Variants in ATG4B observed in about 807,000 individuals in gnomAD.
The protein encoded by ATG4B is cysteine protease ATG4B.
A neutral mutation model predicts 56.6 loss-of-function variants in ATG4B; 29 were observed. The ratio of observed to expected loss-of-function variants is 0.51; its 90% CI spans 0.38 to 0.70. The LOEUF (loss-of-function observed/expected upper bound fraction) is 0.70. ATG4B is among the 30% of genes least tolerant of loss of function. ATG4B has a pLI of 0.00. For missense variants in ATG4B, 461 were observed against 515.5 expected (o/e 0.89, Z 1.02); for synonymous variants, 224 against 206.1 (o/e 1.09, Z -0.74).
chr2:241,670,601 G>T (rs2068935846), intron 10 of ATG4B, 125 bp from the exon 11 acceptor site: 7 of 914,624 alleles, frequency 7.7e-6, no homozygotes, highest in Non-Finnish European at 1.2e-5. Context: ...AAGGCAGGCT[G>T]GAATGTCCAG....
intron 5 of ATG4B, chr2:241,654,908 A>C (rs2068348206): frequency 1.7e-6 from 1 of 574,874 alleles, no homozygotes; most frequent in African/African-American, 1.9e-5. Flanking sequence ...GGTGCTCGGC[A>C]CAGTCTGGGG....
chr2:241,662,013 G>A (rs6437275), intron 7 of ATG4B, among the ~76,000 whole-genome samples: 92,182 of 151,970 alleles, frequency 0.61, 30,231 homozygotes, highest in African/African-American at 0.86. Context: ...ACAATAGCTG[G>A]AACTCAACTC....
intron 8 of ATG4B, 98 bp downstream of exon 8, chr2:241,666,936 G>A: frequency 1.4e-6 from 2 of 1,394,196 alleles, no homozygotes; most frequent in South Asian, 1.3e-5. Flanking sequence ...CATTTGTGCA[G>A]CCGGCTCTCG....
intron 1 of ATG4B, among the ~76,000 whole-genome samples, chr2:241,649,601 C>T (rs2068167884): frequency 6.6e-6 from 1 of 152,174 alleles, no homozygotes. Context: ...TCTGGTGCCG[C>T]CCCAGAATAC....
chr2:241,669,516 G>T (rs1559273627), intron 10 of ATG4B, among the ~76,000 whole-genome samples: 1 of 152,148 alleles, frequency 6.6e-6, no homozygotes, highest in Admixed American at 6.5e-5. Context: ...TTGTTTGTTT[G>T]TTTGTTTTTG....
chr2:241,668,217 C>T lies in ATG4B; in HGVS notation c.807C>T (p.Tyr269=), dbSNP rs747292744. ...ACAGCGCCCACTACTTCATCGGCTA[C>T]GTTGGTGAGTCCAGGGTTCCCACCG... ...KPNSAHYFIG[Y]VGEELIYLDP... The change falls in exon 9 of 13, where the codon TAC becomes TAT. Residue 269 remains tyrosine (Y), a synonymous_variant. Coordinates refer to ENST00000404914, the MANE Select transcript of ATG4B (RefSeq NM_013325.5). This position sits in a 1 kb window ranked among gnomAD's most constrained non-coding sequence, Gnocchi z 4.2. 36 of 1,601,320 alleles carry T rather than the reference C, an allele frequency of 2.2e-5. No individual in the cohort carries two copies. In the East Asian group the frequency reaches 2.7e-4, roughly 12 times the overall value.
chr2:241,664,261 G>T (rs892595757), intron 7 of ATG4B, among the ~76,000 whole-genome samples: 2 of 152,120 alleles, frequency 1.3e-5, no homozygotes, highest in Non-Finnish European at 2.9e-5. Context: ...AAGCACTGTG[G>T]CTCCCGCCTG....
chr2:241,653,638 T>A, intron 4 of ATG4B, 28 bp downstream of exon 4: 1 of 1,550,764 alleles, frequency 6.4e-7, no homozygotes, highest in Non-Finnish European at 8.7e-7. Flanking sequence ...GGAGGGCGCA[T>A]GGCCACGGTG....
chr2:241,672,298 C>A lies in ATG4B; in HGVS notation c.*34C>A. 6.6e-7 allele frequency: 1 copy of A among 1,516,282 alleles called. No individual in the cohort carries two copies. The highest frequency in any genetic ancestry group is 9.0e-7 in the Non-Finnish European group (1 of 1,114,102). 93.9% of individuals were successfully genotyped at this position (1,516,282 alleles called of 1,614,324 possible). A position where few individuals can be genotyped will look rare whatever the true frequency, so the allele number is the denominator to read the frequency against. On this transcript the variant is annotated 3_prime_UTR_variant, in exon 13 of 13. Transcript: ENST00000404914. ...GGGTCGGGGGTGGCACCTGTGAGAG[C>A]CTGGGGCTCCTGGTGCCGCTGCGTT...
At chr2:241,650,889 G>A (rs768917658) in intron 1 of ATG4B, 121 bp from the exon 2 acceptor site, 92 of 786,442 alleles carry the variant, frequency 1.2e-4, no homozygotes, top group Non-Finnish European at 1.8e-4. Flanking sequence ...GAGAGGGAGT[G>A]CTGCTGTTAC....
intron 1 of ATG4B, among the ~76,000 whole-genome samples, chr2:241,643,915 T>C (rs999794449): frequency 6.6e-6 from 1 of 152,142 alleles, no homozygotes; most frequent in African/African-American, 2.4e-5. Context: ...GCTACATGAA[T>C]TACCTTATAA....
In ATG4B at chr2:241,661,117, G is replaced by A. The variant is rs183895512; in HGVS notation, c.538+1930G>A. Among the ~76,000 whole-genome samples the A allele has an allele frequency of 2.2e-4, 33 of 152,364 alleles. 2 individuals carry two copies. Among genetic ancestry groups the A allele is most frequent in the African/African-American group, 7.9e-4 (33 of 41,578 alleles). ...CAGAGTGAGAGTGGAGTCAGGTCCT[G>A]GAAGAGCTTGAATCTGCATTTCCCA... On this transcript the variant is annotated intron_variant, in intron 7 of 12. Transcript: ENST00000404914.
rs1401227047 is a variant in ATG4B at position 241,651,294 on chromosome 2, C to T, written c.143C>T (p.Ser48Phe). ...EKDEILSDVASRLWFTYRKNF... is the reference protein window; with the variant it reads ...EKDEILSDVAFRLWFTYRKNF... ...GACGAGATCTTGTCTGATGTGGCATCTAGACTTTGGTTTACATACAGGAAA... is the reference window on the plus strand; with the variant it reads ...GACGAGATCTTGTCTGATGTGGCATTTAGACTTTGGTTTACATACAGGAAA... Residue 48 changes from serine (S) to phenylalanine (F), a missense_variant, in exon 3 of 13, where the codon TCT becomes TTT. Transcript: ENST00000404914. The surrounding 1 kb of genome is among the most constrained non-coding windows in gnomAD (Gnocchi z 4.1). 3 of 1,603,256 alleles carry T rather than the reference C, an allele frequency of 1.9e-6. No homozygotes were observed. The highest frequency in any genetic ancestry group is 2.6e-6 in the Non-Finnish European group (3 of 1,174,424).
At chr2:241,657,623 G>A (rs924917970) in intron 6 of ATG4B, among the ~76,000 whole-genome samples, 1 of 152,046 alleles carries the variant, frequency 6.6e-6, no homozygotes, top group African/African-American at 2.4e-5. Flanking sequence ...TATTTCAGTG[G>A]GCCCATTCAA....
In ATG4B at chr2:241,668,469, A is replaced by C; in HGVS notation, c.812-71A>C. ...TGTGATGTGGGTGCAGTGGGTCTGA[A>C]ATGCGGCCTCCTCTGTCCCTTTCCT... On this transcript the variant is annotated intron_variant, in intron 9 of 12. Coordinates refer to ENST00000404914, the MANE Select transcript of ATG4B (RefSeq NM_013325.5). This position sits in a 1 kb window ranked among gnomAD's most constrained non-coding sequence, Gnocchi z 4.2. 6.4e-7 allele frequency: 1 copy of C among 1,552,898 alleles called. No homozygotes were observed. The highest frequency in any genetic ancestry group is 1.2e-5 in the South Asian group (1 of 85,310).
chr2:241,653,521 GC>G lies in ATG4B; in HGVS notation c.198del (p.Thr67ProfsTer15). On this transcript the variant is annotated frameshift_variant, in exon 4 of 13. Transcript: ENST00000404914. LOFTEE classifies it high-confidence loss of function. ...CTGTCTGCCACGACAGGGGGGACAG[GC>G]CCCACCTCGGACACAGGCTGGGGCT... ...RKNFPAIGGT[G>X]PTSDTGWGCM... 1 of 1,579,848 alleles carries G rather than the reference GC, an allele frequency of 6.3e-7. No individual in the cohort carries two copies. Among genetic ancestry groups the G allele is most frequent in the East Asian group, 2.3e-5 (1 of 43,160 alleles).
At chr2:241,644,838 A>G (rs1026410930) in intron 1 of ATG4B, among the ~76,000 whole-genome samples, 1 of 151,732 alleles carries the variant, frequency 6.6e-6, no homozygotes, top group African/African-American at 2.4e-5. Flanking sequence ...AATCCCAGCT[A>G]CTCGGGAGGC....
intron 7 of ATG4B, among the ~76,000 whole-genome samples, chr2:241,665,945 G>A (rs1179563335): frequency 6.6e-6 from 1 of 152,212 alleles, no homozygotes; most frequent in Non-Finnish European, 1.5e-5. Context: ...TTTGATGCTT[G>A]ACGGTTCCAC....
intron 1 of ATG4B, among the ~76,000 whole-genome samples, chr2:241,638,530 T>A (rs1284602751): frequency 6.6e-6 from 1 of 152,256 alleles, no homozygotes; most frequent in African/African-American, 2.4e-5. Context: ...TCATTCATTC[T>A]TTGTGGGAAC....
Sources: gnomAD v4.1 joint callset for allele counts (sites outside exome capture counted in the v4.1 genomes callset) on GRCh38, gnomAD v4.1.1 for gene constraint, Gnocchi (gnomAD v3.1) non-coding constraint, MANE v1.5 for transcripts, NCBI Gene and HGNC (gene_info 2026-07-23, HGNC 2026-07-21) for gene names.